The following TTC29 variants were observed in gnomAD, a reference collection of about 807,000 sequenced individuals.
TTC29 encodes tetratricopeptide repeat domain 29.
In TTC29, 49 loss-of-function variants were observed where a neutral mutation model predicts 58.1. That is an observed-to-expected ratio of 0.84 (90% CI 0.67 to 1.07). The LOEUF (loss-of-function observed/expected upper bound fraction) is 1.07. Ranked by LOEUF, TTC29 falls within the 50% of genes least tolerant of loss-of-function variation. The pLI, the probability that TTC29 is intolerant of heterozygous loss-of-function variation, is 0.00. For missense variants in TTC29, 582 were observed against 555.6 expected, an observed-to-expected ratio of 1.05 and a Z score of -0.48; for synonymous variants, 209 against 196.8, an observed-to-expected ratio of 1.06 and a Z score of -0.52.
chr4:146,806,622 A>T (rs1750636723), intron 10 of TTC29, among the ~76,000 whole-genome samples: 1 of 114,308 alleles, frequency 8.7e-6, no homozygotes, highest in Non-Finnish European at 1.7e-5. Flanking sequence ...CAACAAAGAT[A>T]AAAAAAAAAA....
At chr4:146,714,368 GAAGA>G (rs1742763959) in intron 11 of TTC29, among the ~76,000 whole-genome samples, 2 of 152,022 alleles carry the variant, frequency 1.3e-5, no homozygotes, top group South Asian at 4.2e-4. Context: ...ACCTCAAAAT[GAAGA>G]AAGAAAGAGA....
chr4:146,938,981 A>G (rs1189426580), intron 3 of TTC29, among the ~76,000 whole-genome samples: 1 of 152,180 alleles, frequency 6.6e-6, no homozygotes, highest in African/African-American at 2.4e-5. Flanking sequence ...GCATTTCCTC[A>G]GTGACAATTT....
chr4:146,756,799 T>A (rs1746486806), intron 11 of TTC29, among the ~76,000 whole-genome samples: 1 of 152,060 alleles, frequency 6.6e-6, no homozygotes, highest in Non-Finnish European at 1.5e-5. Context: ...TGACTTTCTT[T>A]CTTCTACTTG....
At chr4:146,912,739 G>A (rs189197568) in intron 4 of TTC29, among the ~76,000 whole-genome samples, 4 of 152,240 alleles carry the variant, frequency 2.6e-5, no homozygotes, top group South Asian at 2.1e-4. Flanking sequence ...GGGTAAAACC[G>A]GGAGCAGGAA....
chr4:146,837,346 G>A (rs1430238874), intron 8 of TTC29, among the ~76,000 whole-genome samples: 1 of 152,028 alleles, frequency 6.6e-6, no homozygotes, highest in Non-Finnish European at 1.5e-5. Flanking sequence ...ACCTGCTTGA[G>A]AATGGAGGGT....
chr4:146,896,958 G>A (rs1732812312), intron 6 of TTC29, among the ~76,000 whole-genome samples: 1 of 152,072 alleles, frequency 6.6e-6, no homozygotes, highest in African/African-American at 2.4e-5. Flanking sequence ...CACTTTAACA[G>A]GTGTGTTCTT....
At chr4:146,789,137 G>A (rs999691804) in intron 11 of TTC29, among the ~76,000 whole-genome samples, 6 of 152,084 alleles carry the variant, frequency 3.9e-5, no homozygotes, top group African/African-American at 7.2e-5. Context: ...GTAGTGAGCC[G>A]TACATATTTA....
chr4:146,892,263 T>C (rs1216722586), intron 6 of TTC29, among the ~76,000 whole-genome samples: 1 of 152,162 alleles, frequency 6.6e-6, no homozygotes, highest in Non-Finnish European at 1.5e-5. Flanking sequence ...TCTGCCATGA[T>C]TGTGAGTTTC....
At chr4:146,767,451 G>T (rs907771644) in intron 11 of TTC29, among the ~76,000 whole-genome samples, 4 of 151,908 alleles carry the variant, frequency 2.6e-5, no homozygotes, top group African/African-American at 4.8e-5. Context: ...TCAGGGCCTT[G>T]TTAATGTGTT....
chr4:146,827,031 G>A (rs1311151534), intron 9 of TTC29, among the ~76,000 whole-genome samples: 1 of 150,412 alleles, frequency 6.6e-6, no homozygotes, highest in East Asian at 2.1e-4. Context: ...TAGCTTGTTT[G>A]CATTGGGTTA....
At chr4:146,876,655 G>A (rs951915009) in intron 6 of TTC29, among the ~76,000 whole-genome samples, 27 of 152,216 alleles carry the variant, frequency 1.8e-4, no homozygotes, top group African/African-American at 5.5e-4. Context: ...TCAGTAGACA[G>A]GCCAGGCACA....
chr4:146,835,449 T>G (rs942458442), intron 8 of TTC29, among the ~76,000 whole-genome samples: 2 of 152,194 alleles, frequency 1.3e-5, no homozygotes, highest in African/African-American at 4.8e-5. Context: ...CTGGTGTCTT[T>G]TTAAGGTCCA....
chr4:146,762,007 G>GT (rs1175546207), intron 11 of TTC29, among the ~76,000 whole-genome samples: 3 of 151,494 alleles, frequency 2.0e-5, no homozygotes, highest in South Asian at 2.1e-4. Context: ...ATGACCTTGT[G>GT]TTTTTTTTCT....
chr4:146,800,449 G>C (rs1428594337), intron 11 of TTC29, among the ~76,000 whole-genome samples: 2 of 152,114 alleles, frequency 1.3e-5, no homozygotes, highest in South Asian at 2.1e-4. Flanking sequence ...TGAATACATG[G>C]GACTCTTCAA....
chr4:146,746,755 A>G (rs1308963089), intron 11 of TTC29, among the ~76,000 whole-genome samples: 1 of 152,140 alleles, frequency 6.6e-6, no homozygotes, highest in Non-Finnish European at 1.5e-5. Context: ...TCTGCCCCAT[A>G]CAAGCATGAA....
intron 6 of TTC29, among the ~76,000 whole-genome samples, chr4:146,891,100 C>A (rs1465596148): frequency 1.3e-5 from 2 of 152,120 alleles, no homozygotes; most frequent in Non-Finnish European, 2.9e-5. Flanking sequence ...ATTAGTCAAA[C>A]TTCCAGGTAG....
chr4:146,789,805 C>T lies in TTC29; in HGVS notation c.1330+13652G>A, dbSNP rs540924924. 2.0e-4 allele frequency among the ~76,000 whole-genome samples: 30 copies of T among 150,820 alleles called. 1 individual carries two copies. The South Asian group carries it at 2.9e-3, about 15-fold the overall frequency. ...TGTAGATTTTAATTAAAAAAAAAAG[C>T]CCACTGCTTTACAAGCTATTCTTCA... On this transcript the variant is annotated intron_variant, in intron 11 of 12. Coordinates refer to ENST00000325106, the MANE Select transcript of TTC29 (RefSeq NM_031956.4).
intron 10 of TTC29, 48 bp downstream of exon 10, chr4:146,820,076 TC>T: frequency 6.2e-7 from 1 of 1,601,602 alleles, no homozygotes; most frequent in Non-Finnish European, 8.5e-7. Context: ...GGGAAATTTC[TC>T]CCTAAACACC....
intron 8 of TTC29, among the ~76,000 whole-genome samples, chr4:146,864,294 T>C (rs1234863857): frequency 6.6e-6 from 1 of 152,100 alleles, no homozygotes; most frequent in Non-Finnish European, 1.5e-5. Context: ...CACCTCTGTT[T>C]CCCTCACCTC....
Sources: allele counts gnomAD v4.1 joint callset (sites outside exome capture counted in the v4.1 genomes callset), GRCh38; gene constraint gnomAD v4.1.1; transcripts MANE v1.5; gene names NCBI Gene and HGNC (gene_info 2026-07-23, HGNC 2026-07-21).